Variants in PLD3 observed in about 807,000 individuals in gnomAD.
PLD3 encodes the protein phospholipase D family member 3.
Under a neutral mutation model 58.4 loss-of-function variants are expected in PLD3, and 31 were observed. The ratio of observed to expected loss-of-function variants is 0.53; its 90% CI spans 0.40 to 0.72. The LOEUF (loss-of-function observed/expected upper bound fraction) is 0.72. PLD3 is among the 30% of genes least tolerant of loss of function. The pLI, the probability that PLD3 is intolerant of heterozygous loss-of-function variation, is 0.00. For synonymous variants in PLD3, 264 were observed against 273.4 expected (o/e 0.97, Z 0.34); for missense variants, 595 against 659.8 (o/e 0.90, Z 1.08).
intron 8 of PLD3, chr19:40,370,825 G>A (rs1381723755): frequency 1.3e-5 from 2 of 153,188 alleles, no homozygotes; most frequent in East Asian, 3.9e-4. Context: ...ACATCTCTGT[G>A]TGCCTGCTCT....
At chr19:40,370,408 C>A (rs766206239) in intron 8 of PLD3, 171 bp downstream of exon 8, 18 of 679,378 alleles carry the variant, frequency 2.6e-5, no homozygotes, top group African/African-American at 3.6e-5. Context: ...CACGGTGGCT[C>A]ACACCTATAA....
chr19:40,375,026 C>T (rs562169063), intron 10 of PLD3, among the ~76,000 whole-genome samples: 1 of 151,922 alleles, frequency 6.6e-6, no homozygotes, highest in African/African-American at 2.4e-5. Flanking sequence ...CGTGGTGGCA[C>T]GTGCTTGTAA....
In PLD3 at chr19:40,366,409, GT is replaced by G; in HGVS notation, c.-65-8del. 2 of 1,339,254 alleles carry G rather than the reference GT, an allele frequency of 1.5e-6. No individual in the cohort carries two copies. Among genetic ancestry groups the G allele is most frequent in the Non-Finnish European group, 2.2e-6 (2 of 929,640 alleles). 83.0% of individuals were successfully genotyped at this position (1,339,254 alleles called of 1,614,324 possible). The stretch of plus-strand genomic sequence containing the variant: ...AACACCCCACACAGTGCCCACTTTT[GT>G]TCTGCCAGTTTGGAGACCCTGACAC... On this transcript the variant is annotated splice_polypyrimidine_tract_variant and intron_variant, in intron 2 of 12. Transcript: ENST00000409735.
Position 40,378,247 on chromosome 19 carries a change from C to A in PLD3, c.*74C>A. The A allele has an allele frequency of 7.3e-7, 1 of 1,368,694 alleles. No individual in the cohort carries two copies. The highest frequency in any genetic ancestry group is 1.0e-6 in the Non-Finnish European group (1 of 970,858). The allele number at this position is 1,368,694 out of a possible 1,614,324, so 84.8% of individuals were successfully genotyped here. A position where few individuals can be genotyped will look rare whatever the true frequency, so the allele number is the denominator to read the frequency against. ...AGGTGCTCTGGGTCACGGTCCCTGT[C>A]CCCGCGCCCCCGCTTCTGTCTGCCC... is the stretch of plus-strand genomic sequence containing the variant. On this transcript the variant is annotated 3_prime_UTR_variant, in exon 13 of 13. Coordinates refer to ENST00000409735, the MANE Select transcript of PLD3 (RefSeq NM_012268.4).
At chr19:40,370,329 T>A (rs975888865) in intron 8 of PLD3, 92 bp downstream of exon 8, 2 of 1,393,172 alleles carry the variant, frequency 1.4e-6, no homozygotes, top group African/African-American at 2.9e-5. Context: ...CAATCCAGAG[T>A]CCTCTCCACC....
chr19:40,348,863 T>C (rs1305217758), intron 1 of PLD3, 95 bp downstream of exon 1: 11 of 148,512 alleles, frequency 7.4e-5, no homozygotes, highest in Admixed American at 7.3e-4. Flanking sequence ...TTATATGGAA[T>C]ATAATATATG....
chr19:40,361,981 C>T (rs1334301347), intron 1 of PLD3, among the ~76,000 whole-genome samples: 3 of 151,986 alleles, frequency 2.0e-5, no homozygotes, highest in African/African-American at 4.8e-5. Flanking sequence ...AGATTACAGG[C>T]GCCCTCCAAC....
intron 1 of PLD3, among the ~76,000 whole-genome samples, chr19:40,352,067 T>C (rs1568644904): frequency 6.6e-6 from 1 of 151,486 alleles, no homozygotes; most frequent in Non-Finnish European, 1.5e-5. Flanking sequence ...AGGTCAGGAG[T>C]TCGAAACCAC....
At chr19:40,352,993 G>T (rs894273522) in intron 1 of PLD3, among the ~76,000 whole-genome samples, 1 of 152,088 alleles carries the variant, frequency 6.6e-6, no homozygotes, top group African/African-American at 2.4e-5. Flanking sequence ...AATGCAAGAA[G>T]CCCCATTGTC....
At chr19:40,360,401 T>G (rs2078750709) in intron 1 of PLD3, 1 of 151,946 alleles carries the variant, frequency 6.6e-6, no homozygotes, top group South Asian at 2.1e-4. Context: ...ACACCTGTGT[T>G]TGTTTCTTCG....
chr19:40,358,097 G>C (rs2078695319), intron 1 of PLD3: 1 of 152,216 alleles, frequency 6.6e-6, no homozygotes, highest in Admixed American at 6.6e-5. Context: ...CATTTCATTT[G>C]TTGTTTTGAG....
intron 8 of PLD3, chr19:40,371,398 C>T (rs1240442133): frequency 2.5e-6 from 1 of 402,976 alleles, no homozygotes; most frequent in Non-Finnish European, 4.5e-6. Flanking sequence ...CTGAAGGAGG[C>T]AACATGTCAG....
intron 1 of PLD3, among the ~76,000 whole-genome samples, chr19:40,364,349 G>A (rs571005384): frequency 2.7e-4 from 40 of 150,940 alleles, no homozygotes; most frequent in South Asian, 1.0e-3. Flanking sequence ...GCGAAACTCC[G>A]TCTCAGAAAA....
At chr19:40,367,057 G>A (rs7258698) in intron 5 of PLD3, 142 bp downstream of exon 5, 75,832 of 820,614 alleles carry the variant, frequency 0.092, 4,135 homozygotes, top group African/African-American at 0.19. Flanking sequence ...GTGCTCGCCC[G>A]CCCCCTCCTC....
chr19:40,378,143 C>T lies in PLD3; in HGVS notation c.1443C>T (p.Asp481=). 10 of 1,612,282 alleles carry T rather than the reference C, an allele frequency of 6.2e-6. No individual in the cohort carries two copies. The highest frequency in any genetic ancestry group is 8.5e-6 in the Non-Finnish European group (10 of 1,178,982). The part of the protein sequence containing the change: ...PYSHDLDTSA[D]SVGNACRLL ...GCCATGACCTTGACACCTCAGCTGA[C>T]AGCGTGGGCAACGCCTGCCGCCTGC... Residue 481 remains aspartate, a synonymous_variant, in exon 13 of 13, where the codon GAC becomes GAT. Transcript: ENST00000409735.
rs562445834 is a variant in PLD3 at position 40,366,737 on chromosome 19, C to G, written c.103-36C>G. ...GTCTCAGAGACAGGCTGGGCTGCCC[C>G]CCTCGGGCTGGCTGACCACCTCCTC... is the stretch of plus-strand genomic sequence containing the variant. On this transcript the variant is annotated intron_variant, in intron 4 of 12. Transcript: ENST00000409735. 229 of 1,613,938 alleles carry G rather than the reference C, an allele frequency of 1.4e-4. 1 individual carries two copies. Among genetic ancestry groups the G allele is most frequent in the South Asian group, 9.7e-4 (88 of 91,088 alleles).
chr19:40,366,546 G>C, intron 3 of PLD3, 36 bp downstream of exon 3: 1 of 1,602,532 alleles, frequency 6.2e-7, no homozygotes, highest in Non-Finnish European at 8.5e-7. Flanking sequence ...GGTGGAACTG[G>C]GTACAGTGGG....
intron 1 of PLD3, among the ~76,000 whole-genome samples, chr19:40,350,319 C>T (rs1290629409): frequency 3.3e-5 from 5 of 151,168 alleles, no homozygotes; most frequent in African/African-American, 7.3e-5. Context: ...AACCTCCCAG[C>T]GCCTCAGTTA....
At chr19:40,358,009 G>C (rs2078693080) in intron 1 of PLD3, 1 of 152,224 alleles carries the variant, frequency 6.6e-6, no homozygotes, top group Non-Finnish European at 1.5e-5. Context: ...AGTCTGAGCT[G>C]TGGGACTCTG....
Sources: allele counts gnomAD v4.1 joint callset (sites outside exome capture counted in the v4.1 genomes callset), GRCh38; gene constraint gnomAD v4.1.1; transcripts MANE v1.5; gene names NCBI Gene and HGNC (gene_info 2026-07-23, HGNC 2026-07-21).